TBC1D5: variants seen among roughly 807,000 people sequenced by gnomAD.
TBC1D5 encodes TBC1 domain family member 5, also known as TBC1 domain family, member 5.
In TBC1D5, 75 loss-of-function variants were observed where a neutral mutation model predicts 100.3. The ratio of observed to expected loss-of-function variants is 0.75; its 90% CI spans 0.62 to 0.91. TBC1D5 has a LOEUF of 0.91. Among genes scored for constraint, TBC1D5 ranks in the 40% least tolerant of loss-of-function variants. The pLI is 0.00. For synonymous variants in TBC1D5, 323 were observed against 325.6 expected (o/e 0.99, Z 0.09); for missense variants, 910 against 942.4 (o/e 0.97, Z 0.45).
intron 2 of TBC1D5, among the ~76,000 whole-genome samples, chr3:17,620,165 G>A (rs114922898): frequency 0.014 from 2,167 of 152,278 alleles, 46 homozygotes; most frequent in African/African-American, 0.049. Context: ...TAGCAACAAA[G>A]TCTCACTCTG....
chr3:17,193,272 C>T (rs920411476), intron 18 of TBC1D5, among the ~76,000 whole-genome samples: 45 of 152,182 alleles, frequency 3.0e-4, no homozygotes, highest in Non-Finnish European at 2.1e-4. Flanking sequence ...CAGGGCAAGA[C>T]CACAAGGTCA....
chr3:17,402,986 G>A (rs1191744753), intron 8 of TBC1D5, among the ~76,000 whole-genome samples, 195 bp downstream of exon 8: 1 of 151,924 alleles, frequency 6.6e-6, no homozygotes, highest in Non-Finnish European at 1.5e-5. Flanking sequence ...CTTTTAAAAA[G>A]GGAACATAGA....
chr3:17,705,997 A>C, intron 1 of TBC1D5: 1 of 1,292,118 alleles, frequency 7.7e-7, no homozygotes. Flanking sequence ...TTTTTTTTTG[A>C]GACGGAGTCT....
intron 3 of TBC1D5, among the ~76,000 whole-genome samples, chr3:17,452,854 AG>A (rs1326238917): frequency 2.0e-5 from 3 of 152,184 alleles, no homozygotes; most frequent in Non-Finnish European, 4.4e-5. Flanking sequence ...CAACAGGTTC[AG>A]AATACACATT....
intron 16 of TBC1D5, among the ~76,000 whole-genome samples, chr3:17,252,290 T>A (rs2077243678): frequency 6.6e-6 from 1 of 152,164 alleles, no homozygotes; most frequent in African/African-American, 2.4e-5. Flanking sequence ...TTAACAGAGA[T>A]GGAAGAAACC....
intron 1 of TBC1D5, among the ~76,000 whole-genome samples, chr3:17,637,540 G>A (rs934196533): frequency 5.3e-5 from 8 of 151,496 alleles, no homozygotes; most frequent in African/African-American, 1.9e-4. Context: ...ACCCGAAGTA[G>A]ATATTCTTAA....
At chr3:17,636,786 GCGAGACTCCGTCT>G (rs2063973473) in intron 1 of TBC1D5, among the ~76,000 whole-genome samples, 1 of 151,546 alleles carries the variant, frequency 6.6e-6, no homozygotes, top group Non-Finnish European at 1.5e-5. Context: ...GGGAGACAGA[GCGAGACTCCGTCT>G]CAAAAAAAAA....
chr3:17,226,515 C>T (rs1399854120), intron 17 of TBC1D5, among the ~76,000 whole-genome samples: 2 of 152,044 alleles, frequency 1.3e-5, no homozygotes, highest in Non-Finnish European at 2.9e-5. Context: ...CTGGAAACTG[C>T]CCGCAACTGA....
At chr3:17,383,842 G>T in intron 9 of TBC1D5, 71 bp downstream of exon 9, 5 of 1,176,244 alleles carry the variant, frequency 4.3e-6, no homozygotes, top group Non-Finnish European at 4.9e-6. Flanking sequence ...CTACATTATT[G>T]CTCTATCATT....
chr3:17,417,460 C>A (rs918707067), intron 4 of TBC1D5, among the ~76,000 whole-genome samples: 5 of 147,016 alleles, frequency 3.4e-5, no homozygotes, highest in East Asian at 2.0e-4. Flanking sequence ...TTTGTTCTTG[C>A]GAATAGTTTA....
rs73030332 is a variant in TBC1D5 at position 17,663,370 on chromosome 3, A to G, written c.-100-39457T>C. On this transcript the variant is annotated intron_variant, in intron 1 of 21. Coordinates refer to ENST00000253692, the Ensembl canonical transcript of TBC1D5. ...AACACAGAAAAAAAATACTGACGAC[A>G]TACTACAAAAGACTGATCTTAATAT... Among the ~76,000 whole-genome samples the G allele has an allele frequency of 2.2e-3, 337 of 152,064 alleles. 1 individual carries two copies. Among genetic ancestry groups the G allele is most frequent in the Non-Finnish European group, 4.5e-3 (304 of 67,954 alleles).
intron 2 of TBC1D5, among the ~76,000 whole-genome samples, chr3:17,591,671 C>A (rs1269601491): frequency 6.6e-6 from 1 of 152,164 alleles, no homozygotes; most frequent in African/African-American, 2.4e-5. Flanking sequence ...GTCATTTCCC[C>A]AGTGCTGGAA....
chr3:17,519,738 A>T (rs919492783), intron 2 of TBC1D5, among the ~76,000 whole-genome samples: 1 of 152,228 alleles, frequency 6.6e-6, no homozygotes, highest in Non-Finnish European at 1.5e-5. Flanking sequence ...TGTTCTACAC[A>T]GAAGCACACA....
intron 8 of TBC1D5, among the ~76,000 whole-genome samples, chr3:17,400,164 C>T (rs2093610225): frequency 6.6e-6 from 1 of 152,062 alleles, no homozygotes; most frequent in Non-Finnish European, 1.5e-5. Flanking sequence ...CCACTCTGTC[C>T]CCCACAGTGC....
chr3:17,518,267 T>C (rs1279397381), intron 2 of TBC1D5, among the ~76,000 whole-genome samples: 1 of 152,196 alleles, frequency 6.6e-6, no homozygotes, highest in African/African-American at 2.4e-5. Context: ...CACTCGAATG[T>C]TGCCTTTTCC....
At chr3:17,462,330 T>TTC (rs2149953810) in intron 3 of TBC1D5, among the ~76,000 whole-genome samples, 1 of 150,766 alleles carries the variant, frequency 6.6e-6, no homozygotes, top group African/African-American at 2.4e-5. Context: ...TAATTTTTTT[T>TTC]TTTTTTTTTT....
intron 2 of TBC1D5, among the ~76,000 whole-genome samples, chr3:17,568,589 TTAAG>T (rs917456889): frequency 1.3e-5 from 2 of 151,550 alleles, no homozygotes; most frequent in Non-Finnish European, 3.0e-5. Context: ...TTACCAGAAT[TTAAG>T]TAATTAAAAT....
chr3:17,477,665 T>A (rs1329074188), intron 3 of TBC1D5, among the ~76,000 whole-genome samples: 1 of 152,022 alleles, frequency 6.6e-6, no homozygotes, highest in Non-Finnish European at 1.5e-5. Flanking sequence ...TTTTCATACA[T>A]ACTTAATGGC....
At chr3:17,426,190 T>G (rs1307678283) in intron 4 of TBC1D5, among the ~76,000 whole-genome samples, 1 of 152,188 alleles carries the variant, frequency 6.6e-6, no homozygotes, top group Non-Finnish European at 1.5e-5. Flanking sequence ...TAAAGAGATA[T>G]AATGGCAACA....
Sources: gnomAD v4.1 joint callset for allele counts (sites outside exome capture counted in the v4.1 genomes callset) on GRCh38, gnomAD v4.1.1 for gene constraint, MANE v1.5 for transcripts, NCBI Gene and HGNC (gene_info 2026-07-23, HGNC 2026-07-21) for gene names.